NTRK2: variants seen among roughly 807,000 people sequenced by gnomAD.
NTRK2 encodes BDNF/NT-3 growth factors receptor.
A neutral mutation model predicts 94.5 loss-of-function variants in NTRK2; 13 were observed. The observed-to-expected ratio is 0.14, with a 90% CI of 0.09 to 0.22. The LOEUF (loss-of-function observed/expected upper bound fraction) is 0.22. NTRK2 is among the 10% of genes least tolerant of loss of function. The pLI is 1.00. For missense variants in NTRK2, 639 were observed against 1,071.2 expected, an observed-to-expected ratio of 0.60 and a Z score of 5.63; for synonymous variants, 372 against 407.4, an observed-to-expected ratio of 0.91 and a Z score of 1.05.
chr9:84,771,591 A>C (rs1420791827), intron 12 of NTRK2, among the ~76,000 whole-genome samples: 1 of 152,212 alleles, frequency 6.6e-6, no homozygotes, highest in African/African-American at 2.4e-5. Flanking sequence ...TGTATGGTGA[A>C]GTCATCAGCA....
chr9:84,861,897 T>C (rs977394323), intron 13 of NTRK2, among the ~76,000 whole-genome samples: 1 of 152,114 alleles, frequency 6.6e-6, no homozygotes, highest in Non-Finnish European at 1.5e-5. Flanking sequence ...AATGTACCAA[T>C]GTCAGGAGGC....
At chr9:84,944,227 A>T (rs1433695652) in intron 15 of NTRK2, among the ~76,000 whole-genome samples, 2 of 147,670 alleles carry the variant, frequency 1.4e-5, no homozygotes, top group Non-Finnish European at 3.0e-5. Context: ...ACACACACAC[A>T]CACACACACA....
At chr9:84,913,204 A>T (rs920897574) in intron 14 of NTRK2, among the ~76,000 whole-genome samples, 2 of 151,894 alleles carry the variant, frequency 1.3e-5, no homozygotes, top group African/African-American at 4.8e-5. Flanking sequence ...AGTGTTTTGG[A>T]GTGCATCTCT....
chr9:84,958,579 G>A (rs918452131), intron 17 of NTRK2, among the ~76,000 whole-genome samples: 1 of 152,160 alleles, frequency 6.6e-6, no homozygotes, highest in Admixed American at 6.5e-5. Flanking sequence ...CCACTACTCG[G>A]TTGCAGTTGT....
chr9:84,790,273 C>T (rs2068595493), intron 12 of NTRK2, among the ~76,000 whole-genome samples: 1 of 152,110 alleles, frequency 6.6e-6, no homozygotes, highest in Non-Finnish European at 1.5e-5. Flanking sequence ...ATCATCATCC[C>T]CACAAAAGAG....
chr9:84,903,240 C>A (rs532481866), intron 14 of NTRK2, among the ~76,000 whole-genome samples: 17 of 152,314 alleles, frequency 1.1e-4, no homozygotes, highest in African/African-American at 4.1e-4. Context: ...GGCTCTCTTG[C>A]AGCTATAGGT....
chr9:84,938,405 C>T (rs113755568), intron 15 of NTRK2, among the ~76,000 whole-genome samples: 31 of 152,286 alleles, frequency 2.0e-4, no homozygotes, highest in Non-Finnish European at 2.9e-4. Flanking sequence ...CTCCCATCCA[C>T]GCATCAGCTC....
chr9:84,874,075 C>T lies in NTRK2; in HGVS notation c.1633+6644C>T, dbSNP rs188550150. On this transcript the variant is annotated intron_variant, in intron 14 of 18. Coordinates refer to ENST00000277120, the MANE Select transcript of NTRK2 (RefSeq NM_006180.6). ...CCTAATGTATTTGTTCTGGGTATTT[C>T]CCAAGGCCCAGCCTGACTGGAGTGT... The T allele has an allele frequency of 3.7e-4, 398 of 1,064,302 alleles. 1 individual carries two copies. The African/African-American group carries it at 5.9e-3, about 16-fold the overall frequency. The allele number at this position is 1,064,302 out of a possible 1,614,324, so 65.9% of individuals were successfully genotyped here.
chr9:84,996,846 T>G (rs1024583191), intron 17 of NTRK2, among the ~76,000 whole-genome samples: 2 of 152,230 alleles, frequency 1.3e-5, no homozygotes, highest in African/African-American at 4.8e-5. Context: ...GTGCCAAACA[T>G]CATGGCAGGT....
At chr9:84,762,788 G>A (rs1035226621) in intron 12 of NTRK2, among the ~76,000 whole-genome samples, 1 of 152,122 alleles carries the variant, frequency 6.6e-6, no homozygotes, top group African/African-American at 2.4e-5. Flanking sequence ...ACAATGGTGG[G>A]TAATCACAAA....
At chr9:84,925,629 G>A (rs1240918671) in intron 14 of NTRK2, among the ~76,000 whole-genome samples, 1 of 152,184 alleles carries the variant, frequency 6.6e-6, no homozygotes, top group African/African-American at 2.4e-5. Flanking sequence ...GCTGGGGACA[G>A]CACCTCCCAC....
At chr9:84,849,156 G>T (rs2074624429) in intron 12 of NTRK2, among the ~76,000 whole-genome samples, 1 of 152,126 alleles carries the variant, frequency 6.6e-6, no homozygotes, top group Admixed American at 6.6e-5. Context: ...CAGAAAAGAT[G>T]ATTTCTCCTC....
At chr9:84,949,624 T>C (rs780273990) in intron 16 of NTRK2, among the ~76,000 whole-genome samples, 1 of 152,094 alleles carries the variant, frequency 6.6e-6, no homozygotes, top group Non-Finnish European at 1.5e-5. Context: ...TGTGCCACCA[T>C]GTCTGGTAAT....
chr9:84,946,036 G>A (rs1039245056), intron 15 of NTRK2, among the ~76,000 whole-genome samples: 1 of 152,200 alleles, frequency 6.6e-6, no homozygotes, highest in Non-Finnish European at 1.5e-5. Context: ...GAGAAGCACC[G>A]AGGCCGTGAT....
chr9:85,016,956 C>T (rs774799276), intron 17 of NTRK2, among the ~76,000 whole-genome samples: 18 of 152,246 alleles, frequency 1.2e-4, no homozygotes, highest in South Asian at 2.1e-4. Flanking sequence ...TAAATCAAAA[C>T]GTGAATCTTT....
At chr9:84,782,421 G>C (rs181390387) in intron 12 of NTRK2, among the ~76,000 whole-genome samples, 1 of 152,218 alleles carries the variant, frequency 6.6e-6, no homozygotes, top group Non-Finnish European at 1.5e-5. Flanking sequence ...TTGCTGGCAC[G>C]TTCTGCGGCT....
At position 84,829,758 on chromosome 9, in the gene NTRK2, C is replaced by G. The variant is rs549046179; in HGVS notation, c.1397-31282C>G. Among the ~76,000 whole-genome samples, 5 of 152,268 alleles carry G rather than the reference C, an allele frequency of 3.3e-5. No homozygotes were observed. In the East Asian group the frequency reaches 9.6e-4, roughly 29 times the overall value. ...GGATTGTTCAGGGATTTATGATGCTCACTTTTTGTTCTTGATGGATGGGGT... is the reference window on the plus strand; with the variant it reads ...GGATTGTTCAGGGATTTATGATGCTGACTTTTTGTTCTTGATGGATGGGGT... On this transcript the variant is annotated intron_variant, in intron 12 of 18. Transcript: ENST00000277120.
Position 84,797,793 on chromosome 9 carries a change from C to G in NTRK2, c.1396+45708C>G, listed in dbSNP as rs1278841764. 4.9e-5 allele frequency among the ~76,000 whole-genome samples: 3 copies of G among 60,854 alleles called. 1 individual carries two copies. Among genetic ancestry groups the G allele is most frequent in the African/African-American group, 6.2e-5 (1 of 16,190 alleles). 39.9% of individuals were successfully genotyped at this position (60,854 alleles called of 152,430 possible). A position where few individuals can be genotyped will look rare whatever the true frequency, so the allele number is the denominator to read the frequency against. ...ATATATATAATATATATTATATATA[C>G]TATAATAATATATATATTATATATT... On this transcript the variant is annotated intron_variant, in intron 12 of 18. Coordinates refer to ENST00000277120, the MANE Select transcript of NTRK2 (RefSeq NM_006180.6).
intron 2 of NTRK2, among the ~76,000 whole-genome samples, chr9:84,690,604 A>G (rs1267502526): frequency 6.6e-6 from 1 of 151,928 alleles, no homozygotes; most frequent in African/African-American, 2.4e-5. Context: ...CTGTGGTCCC[A>G]GCTACTTGGG....
Sources: allele counts gnomAD v4.1 joint callset (sites outside exome capture counted in the v4.1 genomes callset), GRCh38; gene constraint gnomAD v4.1.1; transcripts MANE v1.5; gene names NCBI Gene and HGNC (gene_info 2026-07-23, HGNC 2026-07-21).